DYNC1I1: variants seen among roughly 807,000 people sequenced by gnomAD.
DYNC1I1 encodes dynein cytoplasmic 1 intermediate chain 1.
Under a neutral mutation model 86.6 loss-of-function variants are expected in DYNC1I1, and 43 were observed. The ratio of observed to expected loss-of-function variants is 0.50; its 90% CI spans 0.39 to 0.64. The LOEUF is 0.64. Among genes scored for constraint, DYNC1I1 ranks in the 30% least tolerant of loss-of-function variants. The pLI is 0.00. For synonymous variants in DYNC1I1, 262 were observed against 283.7 expected (o/e 0.92, Z 0.77); for missense variants, 604 against 788.8 (o/e 0.77, Z 2.81).
chr7:95,809,048 T>A (rs944241063), intron 2 of DYNC1I1, among the ~76,000 whole-genome samples: 1 of 152,174 alleles, frequency 6.6e-6, no homozygotes, highest in African/African-American at 2.4e-5. Context: ...CATTTCATAA[T>A]TTTGGGTTAT....
At chr7:95,888,168 G>A (rs190208874) in intron 6 of DYNC1I1, among the ~76,000 whole-genome samples, 59 of 152,212 alleles carry the variant, frequency 3.9e-4, no homozygotes, top group Middle Eastern at 6.8e-3. Context: ...CAGGAGTGGC[G>A]GCTCACACCT....
intron 6 of DYNC1I1, among the ~76,000 whole-genome samples, chr7:95,922,848 A>G (rs1562944873): frequency 6.6e-6 from 1 of 150,528 alleles, no homozygotes; most frequent in East Asian, 1.9e-4. Flanking sequence ...GTTTACCTCC[A>G]TTTTTTTTTC....
chr7:95,849,764 G>A (rs188363210), intron 5 of DYNC1I1, among the ~76,000 whole-genome samples: 30 of 152,060 alleles, frequency 2.0e-4, no homozygotes, highest in Admixed American at 7.2e-4. Context: ...AAATTTCGCT[G>A]GTATTTTGAT....
In DYNC1I1 at chr7:96,097,793, T is replaced by TTCTA. The variant is rs989603822; in HGVS notation, c.*204_*207dup. ...ACTGACCCAAAATTCACCACAGCATTTCTATCTTTATATTTCTGTCTCAAA... is the reference window on the plus strand; with the variant it reads ...ACTGACCCAAAATTCACCACAGCATTTCTATCTATCTTTATATTTCTGTCTCAAA... On this transcript the variant is annotated 3_prime_UTR_variant, in exon 17 of 17. Transcript: ENST00000447467. The TTCTA allele has an allele frequency of 7.6e-7, 1 of 1,311,938 alleles. No individual in the cohort carries two copies. The highest frequency in any genetic ancestry group is 1.5e-5 in the African/African-American group (1 of 67,538). The allele number at this position is 1,311,938 out of a possible 1,614,324, so 81.3% of individuals were successfully genotyped here. A position where few individuals can be genotyped will look rare whatever the true frequency, so the allele number is the denominator to read the frequency against.
At chr7:96,059,916 T>C (rs943011141) in intron 14 of DYNC1I1, among the ~76,000 whole-genome samples, 2 of 152,182 alleles carry the variant, frequency 1.3e-5, no homozygotes, top group Non-Finnish European at 2.9e-5. Context: ...GTATGGTCTT[T>C]TTGGCCTACT....
chr7:96,109,479 C>A (rs1791276995), intron 16 of DYNC1I1, among the ~76,000 whole-genome samples: 1 of 150,820 alleles, frequency 6.6e-6, no homozygotes, highest in Admixed American at 6.6e-5. Context: ...AAAAATTAGA[C>A]AATTGATTTG....
At chr7:95,984,288 T>G (rs557316750) in intron 7 of DYNC1I1, among the ~76,000 whole-genome samples, 1 of 152,258 alleles carries the variant, frequency 6.6e-6, no homozygotes, top group African/African-American at 2.4e-5. Flanking sequence ...TTGAATATAA[T>G]TTATATAACA....
chr7:95,922,912 AT>A (rs755018209), intron 6 of DYNC1I1, among the ~76,000 whole-genome samples: 6 of 152,150 alleles, frequency 3.9e-5, no homozygotes, highest in Middle Eastern at 6.8e-3. Context: ...CTAAAGACGT[AT>A]TTTAGCTCAT....
At chr7:95,944,714 T>A (rs1044941410) in intron 6 of DYNC1I1, among the ~76,000 whole-genome samples, 4 of 152,152 alleles carry the variant, frequency 2.6e-5, no homozygotes, top group African/African-American at 9.7e-5. Context: ...TGAGTTCATG[T>A]CCTTTGGTGG....
intron 6 of DYNC1I1, among the ~76,000 whole-genome samples, chr7:95,873,838 A>G (rs1220655983): frequency 2.6e-5 from 4 of 152,182 alleles, no homozygotes; most frequent in Admixed American, 6.5e-5. Flanking sequence ...CCTACATTCA[A>G]TTTCCCATTA....
At chr7:95,857,623 C>T (rs538924996) in intron 5 of DYNC1I1, among the ~76,000 whole-genome samples, 2 of 152,288 alleles carry the variant, frequency 1.3e-5, no homozygotes, top group Non-Finnish European at 2.9e-5. Context: ...CCAAGCAAGA[C>T]TCTTATCCTG....
chr7:96,091,330 A>C (rs1185877273), intron 16 of DYNC1I1, among the ~76,000 whole-genome samples: 1 of 152,216 alleles, frequency 6.6e-6, no homozygotes, highest in African/African-American at 2.4e-5. Flanking sequence ...TACAGAGATG[A>C]ATTGTCGTGT....
chr7:95,991,183 C>A (rs1317185672), intron 9 of DYNC1I1, among the ~76,000 whole-genome samples: 1 of 152,124 alleles, frequency 6.6e-6, no homozygotes, highest in African/African-American at 2.4e-5. Flanking sequence ...CTTCTATTGT[C>A]CCCCAGAATA....
chr7:95,930,401 A>G (rs1043442208), intron 6 of DYNC1I1, among the ~76,000 whole-genome samples: 4 of 152,210 alleles, frequency 2.6e-5, no homozygotes, highest in African/African-American at 9.7e-5. Context: ...TCATTTGTCA[A>G]TAAATGATGA....
At chr7:95,979,027 C>T (rs1255171259) in intron 7 of DYNC1I1, among the ~76,000 whole-genome samples, 1 of 152,172 alleles carries the variant, frequency 6.6e-6, no homozygotes, top group Non-Finnish European at 1.5e-5. Context: ...AACTCCTGAC[C>T]TCGTGATCCA....
chr7:96,104,575 T>A (rs1447391968), intron 16 of DYNC1I1, among the ~76,000 whole-genome samples: 2 of 152,156 alleles, frequency 1.3e-5, no homozygotes, highest in African/African-American at 4.8e-5. Context: ...ACATTATTTT[T>A]TAAACATATG....
chr7:95,949,892 G>T (rs1053025456), intron 6 of DYNC1I1, among the ~76,000 whole-genome samples: 1 of 152,142 alleles, frequency 6.6e-6, no homozygotes, highest in East Asian at 1.9e-4. Flanking sequence ...CAAAAATAGT[G>T]CAATGGTTAG....
At chr7:95,889,059 C>T (rs1316858860) in intron 6 of DYNC1I1, among the ~76,000 whole-genome samples, 5 of 152,062 alleles carry the variant, frequency 3.3e-5, no homozygotes, top group African/African-American at 1.2e-4. Context: ...TGAAATAGAA[C>T]ATGGGAGATA....
intron 10 of DYNC1I1, 99 bp from the exon 11 acceptor site, chr7:96,028,076 A>G: frequency 1.4e-6 from 2 of 1,457,986 alleles, no homozygotes; most frequent in African/African-American, 2.8e-5. Context: ...GTTTTCCAGG[A>G]TGTGTTGAGT....
Sources: allele counts gnomAD v4.1 joint callset (sites outside exome capture counted in the v4.1 genomes callset), GRCh38; gene constraint gnomAD v4.1.1; transcripts MANE v1.5; gene names NCBI Gene and HGNC (gene_info 2026-07-23, HGNC 2026-07-21).